NXPE1: variants seen among roughly 807,000 people sequenced by gnomAD.
NXPE1 encodes NXPE family member 1.
A neutral mutation model predicts 33.3 loss-of-function variants in NXPE1; 31 were observed. The ratio of observed to expected loss-of-function variants is 0.93; its 90% confidence interval spans 0.70 to 1.26. The LOEUF (loss-of-function observed/expected upper bound fraction) is 1.26. NXPE1 is among the 50% of genes most tolerant of loss of function. The pLI is 0.00. For synonymous variants in NXPE1, 229 were observed against 231.4 expected (o/e 0.99, Z 0.09); for missense variants, 661 against 655.6 (o/e 1.01, Z -0.09).
At chr11:114,531,547 AC>A (rs1168476223) in intron 5 of NXPE1, among the ~76,000 whole-genome samples, 1 of 151,944 alleles carries the variant, frequency 6.6e-6, no homozygotes, top group Non-Finnish European at 1.5e-5. Context: ...TCCCAACTTA[AC>A]CCCCTTCAAT....
intron 1 of NXPE1, among the ~76,000 whole-genome samples, chr11:114,557,190 G>A (rs543717935): frequency 6.6e-6 from 1 of 152,076 alleles, no homozygotes; most frequent in South Asian, 2.1e-4. Flanking sequence ...TACCGTGCCC[G>A]GCCCCCTTTT....
chr11:114,557,630 AATACATATATATATATAT>A (rs1182921497), intron 1 of NXPE1, among the ~76,000 whole-genome samples: 2 of 76,996 alleles, frequency 2.6e-5, no homozygotes, highest in East Asian at 3.4e-4. Flanking sequence ...TATTATATAT[AATACATATATATATATAT>A]ATATATATAT....
intron 5 of NXPE1, among the ~76,000 whole-genome samples, chr11:114,540,837 C>CTTTTTTTTTTTTTTTTT (rs142403291): frequency 4.2e-5 from 2 of 47,472 alleles, no homozygotes; most frequent in Non-Finnish European, 9.3e-5. Flanking sequence ...AGAAAGCCAT[C>CTTTTTTTTTTTTTTTTT]TTTTTTTTTT....
Position 114,522,419 on chromosome 11 carries a change from CA to C in NXPE1, c.1192del (p.Trp398GlyfsTer16). 6.2e-7 allele frequency: 1 copy of C among 1,613,924 alleles called. No homozygotes were observed. The highest frequency in any genetic ancestry group is 8.5e-7 in the Non-Finnish European group (1 of 1,179,912). On this transcript the variant is annotated frameshift_variant, in exon 9 of 9. Transcript: ENST00000534921. LOFTEE classifies it low-confidence loss of function (END_TRUNC). Reference sequence around the variant, plus strand: ...GACGAAGGGATAGCTATGTTTTTTCCATTGAATCTGAGTGTGTCTTTCTGCA... The same window carrying C: ...GACGAAGGGATAGCTATGTTTTTTCCTTGAATCTGAGTGTGTCTTTCTGCA...
intron 5 of NXPE1, among the ~76,000 whole-genome samples, chr11:114,541,668 G>T (rs996123981): frequency 2.6e-5 from 4 of 152,164 alleles, no homozygotes; most frequent in Non-Finnish European, 4.4e-5. Context: ...AATTTGAAGT[G>T]GGGGGGATGG....
chr11:114,534,501 A>G (rs1947717862), intron 5 of NXPE1, among the ~76,000 whole-genome samples: 1 of 152,174 alleles, frequency 6.6e-6, no homozygotes, highest in Non-Finnish European at 1.5e-5. Context: ...TAAAGGAGGA[A>G]GTTCGAATCA....
chr11:114,540,839 T>C (rs1170332924), intron 5 of NXPE1, among the ~76,000 whole-genome samples: 3 of 18,274 alleles, frequency 1.6e-4, no homozygotes, highest in East Asian at 1.2e-3. Context: ...AAAGCCATCT[T>C]TTTTTTTTTT....
intron 5 of NXPE1, among the ~76,000 whole-genome samples, chr11:114,534,850 A>G (rs1002250869): frequency 5.3e-5 from 8 of 152,210 alleles, no homozygotes; most frequent in African/African-American, 1.9e-4. Flanking sequence ...AAGTTGGAAA[A>G]CACTCTGCAG....
chr11:114,545,535 A>G (rs1948247320), intron 5 of NXPE1, among the ~76,000 whole-genome samples: 1 of 152,178 alleles, frequency 6.6e-6, no homozygotes, highest in African/African-American at 2.4e-5. Flanking sequence ...GAGATCAAAA[A>G]CCAATCAATG....
Position 114,551,219 on chromosome 11 carries a change from A to C in NXPE1, c.-10-8T>G, listed in dbSNP as rs1162693906. The C allele has an allele frequency of 1.3e-5, 19 of 1,489,790 alleles. No homozygotes were observed. Among genetic ancestry groups the C allele is most frequent in the Non-Finnish European group, 1.7e-5 (19 of 1,105,820 alleles). The allele number at this position is 1,489,790 out of a possible 1,614,324, so 92.3% of individuals were successfully genotyped here. A position where few individuals can be genotyped will look rare whatever the true frequency, so the allele number is the denominator to read the frequency against. On this transcript the variant is annotated splice_region_variant and splice_polypyrimidine_tract_variant and intron_variant, in intron 4 of 8. Coordinates refer to ENST00000534921, the Ensembl canonical transcript of NXPE1. ...GAGGACATGACGAATGTCCTAGGAGAGATGACACAAGAGAGGAGTCGTGAG... is the reference window on the plus strand; with the variant it reads ...GAGGACATGACGAATGTCCTAGGAGCGATGACACAAGAGAGGAGTCGTGAG...
chr11:114,519,275 A>G (rs475881), downstream of NXPE1, among the ~76,000 whole-genome samples: 2,011 of 152,336 alleles, frequency 0.013, 20 homozygotes, highest in Middle Eastern at 0.034. Flanking sequence ...TCGTATTAAT[A>G]ATAAAGTACA....
Position 114,527,805 on chromosome 11 carries a change from T to C in NXPE1, c.895+35A>G, listed in dbSNP as rs757263056. ...GGTTAATGCTGATAAAAGTTTCCTC[T>C]GAGCATCACCTAACTCAGGACAGAG... On this transcript the variant is annotated intron_variant, in intron 7 of 8. Transcript: ENST00000534921. 12 of 1,505,136 alleles carry C rather than the reference T, an allele frequency of 8.0e-6. No homozygotes were observed. The South Asian group carries it at 1.5e-4, about 19-fold the overall frequency. 93.2% of individuals were successfully genotyped at this position (1,505,136 alleles called of 1,614,324 possible).
At chr11:114,524,038 A>C (rs926002075) in intron 7 of NXPE1, among the ~76,000 whole-genome samples, 7 of 152,204 alleles carry the variant, frequency 4.6e-5, no homozygotes, top group Admixed American at 2.6e-4. Context: ...TGTTCCTTCT[A>C]TGTTGTGGCT....
chr11:114,534,464 G>C (rs780947310), intron 5 of NXPE1, among the ~76,000 whole-genome samples: 2 of 152,168 alleles, frequency 1.3e-5, no homozygotes, highest in Non-Finnish European at 2.9e-5. Flanking sequence ...AGAGAGGAAG[G>C]CTTCAGAAGA....
At chr11:114,525,155 G>A (rs1014509665) in intron 7 of NXPE1, among the ~76,000 whole-genome samples, 1 of 151,764 alleles carries the variant, frequency 6.6e-6, no homozygotes, top group African/African-American at 2.4e-5. Context: ...ACATAAACAT[G>A]GCTTCTGCTT....
chr11:114,527,907 A>G lies in NXPE1; in HGVS notation c.834-6T>C, dbSNP rs755314910. 1.5e-5 allele frequency: 22 copies of G among 1,505,994 alleles called. 1 individual carries two copies. The South Asian group carries it at 2.2e-4, about 15-fold the overall frequency. 93.3% of individuals were successfully genotyped at this position (1,505,994 alleles called of 1,614,324 possible). ...TTTCAACTCCCACTTTGGACCTTCA[A>G]AAAAAAAATAGAACAATAAATTAGC... On this transcript the variant is annotated splice_polypyrimidine_tract_variant and splice_region_variant and intron_variant, in intron 6 of 8. Coordinates refer to ENST00000534921, the Ensembl canonical transcript of NXPE1.
chr11:114,528,740 G>C (rs1004777683), intron 6 of NXPE1: 8 of 574,590 alleles, frequency 1.4e-5, no homozygotes, highest in Non-Finnish European at 2.6e-5. Flanking sequence ...AAGGAAGAAA[G>C]GGATTAAGGG....
At chr11:114,520,065 G>A (rs1947178923), downstream of NXPE1, among the ~76,000 whole-genome samples, 1 of 151,964 alleles carries the variant, frequency 6.6e-6, no homozygotes, top group Non-Finnish European at 1.5e-5. Context: ...GCCTCCCAAA[G>A]TGCTGGCATT....
chr11:114,528,745 TA>T, intron 6 of NXPE1: 1 of 602,470 alleles, frequency 1.7e-6, no homozygotes, highest in Non-Finnish European at 3.1e-6. Context: ...AGAAAGGGAT[TA>T]AGGGGAGAAT....
Sources: allele counts gnomAD v4.1 joint callset (sites outside exome capture counted in the v4.1 genomes callset), GRCh38; gene constraint gnomAD v4.1.1; transcripts MANE v1.5; gene names NCBI Gene and HGNC (gene_info 2026-07-23, HGNC 2026-07-21).